SLC20A2: variants seen among roughly 807,000 people sequenced by gnomAD.
SLC20A2 encodes solute carrier family 20 member 2, also known as sodium-dependent phosphate transporter 2.
Under a neutral mutation model 61.0 loss-of-function variants are expected in SLC20A2, and 30 were observed. The ratio of observed to expected loss-of-function variants is 0.49; its 90% CI spans 0.37 to 0.67. The LOEUF (loss-of-function observed/expected upper bound fraction) is 0.67, where lower values mean the gene tolerates loss of function less well. Ranked by LOEUF, SLC20A2 falls within the 30% of genes least tolerant of loss-of-function variation. The probability of loss-of-function intolerance (pLI) is 0.00; values close to 1 mark genes in which losing one functional copy is unlikely to be tolerated. For missense variants in SLC20A2, 626 were observed against 866.4 expected, an observed-to-expected ratio of 0.72 and a Z score of 3.48; for synonymous variants, 351 against 353.3, an observed-to-expected ratio of 0.99 and a Z score of 0.07.
Position 42,430,192 on chromosome 8 carries a change from C to T in SLC20A2, c.1581G>A (p.Thr527=), listed in dbSNP as rs772396213. The T allele has an allele frequency of 3.1e-6, 5 of 1,613,846 alleles. No homozygotes were observed. Among genetic ancestry groups the T allele is most frequent in the Admixed American group, 1.7e-5 (1 of 59,970 alleles). Residue 527 remains threonine (T), a synonymous_variant, in exon 9 of 11, where the codon ACG becomes ACA. Coordinates refer to ENST00000520262, the MANE Select transcript of SLC20A2 (RefSeq NM_001257180.2). ...LWLIYKQGGV[T]QEAATPVWLL... ...GCCAGACGGGTGTAGCTGCTTCTTGCGTTACCCCGCCTTGTTTGTAAATCA... is the reference window on the plus strand; with the variant it reads ...GCCAGACGGGTGTAGCTGCTTCTTGTGTTACCCCGCCTTGTTTGTAAATCA...
rs1308068193 is a variant in SLC20A2, at chr8:42,436,932, C to T, written c.1523+57G>A. The T allele has an allele frequency of 4.7e-6, 7 of 1,483,246 alleles. No homozygotes were observed. The Admixed American group carries it at 1.0e-4, about 21-fold the overall frequency. 91.9% of individuals were successfully genotyped at this position (1,483,246 alleles called of 1,614,324 possible). On this transcript the variant is annotated intron_variant, in intron 8 of 10. Coordinates refer to ENST00000520262, the MANE Select transcript of SLC20A2 (RefSeq NM_001257180.2). ...GCTGGATCCCGGCACCCGCACAGCG[C>T]TGGCCCCTGGCGGAGCCTCAAGGAC...
At chr8:42,526,730 T>G (rs1811982259) in intron 1 of SLC20A2, among the ~76,000 whole-genome samples, 1 of 150,768 alleles carries the variant, frequency 6.6e-6, no homozygotes, top group African/African-American at 2.4e-5. Context: ...AAGTATGAAA[T>G]TTTGGTAATA....
chr8:42,485,515 G>A (rs926262939), intron 1 of SLC20A2, among the ~76,000 whole-genome samples: 7 of 151,354 alleles, frequency 4.6e-5, no homozygotes, highest in Admixed American at 3.3e-4. Flanking sequence ...AGTGGCGGGC[G>A]CCTGTAATCC....
chr8:42,493,552 A>T (rs145705798), intron 1 of SLC20A2, among the ~76,000 whole-genome samples: 1 of 152,306 alleles, frequency 6.6e-6, no homozygotes, highest in African/African-American at 2.4e-5. Flanking sequence ...ATGGATAATC[A>T]TAACACCAGA....
intron 4 of SLC20A2, among the ~76,000 whole-genome samples, chr8:42,462,303 T>G (rs1278633683): frequency 6.6e-6 from 1 of 152,024 alleles, no homozygotes; most frequent in African/African-American, 2.4e-5. Flanking sequence ...AATGGACCCT[T>G]CAACAGATGG....
At chr8:42,445,725 C>T (rs1469452944) in intron 5 of SLC20A2, among the ~76,000 whole-genome samples, 1 of 151,932 alleles carries the variant, frequency 6.6e-6, no homozygotes, top group Non-Finnish European at 1.5e-5. Flanking sequence ...AAAACTCCAT[C>T]TCAAAAAAGA....
intron 8 of SLC20A2, among the ~76,000 whole-genome samples, chr8:42,434,276 G>A (rs1804076425): frequency 6.6e-6 from 1 of 152,190 alleles, no homozygotes; most frequent in African/African-American, 2.4e-5. Flanking sequence ...TAGTAGAGGT[G>A]GGGTTTCACC....
chr8:42,422,492 G>A (rs999240073), intron 10 of SLC20A2, among the ~76,000 whole-genome samples: 16 of 152,150 alleles, frequency 1.1e-4, no homozygotes, highest in African/African-American at 3.6e-4. Context: ...TAGCACAAAT[G>A]GGAGAGGTTT....
chr8:42,477,893 C>CTTTCTTTTTTT lies in SLC20A2; in HGVS notation c.-264-5240_-264-5239insAAAAAAAGAAA, dbSNP rs1554563244. 4.4e-3 allele frequency among the ~76,000 whole-genome samples: 642 copies of CTTTCTTTTTTT among 145,714 alleles called. 6 individuals carry two copies. The highest frequency in any genetic ancestry group is 0.016 in the African/African-American group (620 of 39,828). On this transcript the variant is annotated intron_variant, in intron 1 of 10. Coordinates refer to ENST00000520262, the MANE Select transcript of SLC20A2 (RefSeq NM_001257180.2). ...CACTTTGGAAAACTATTGGCAATTT[C>CTTTCTTTTTTT]TTTTTTTTTTTGAGACGGAGCCTCA...
rs938282719 is a variant in SLC20A2 at position 42,522,613 on chromosome 8, G to A, written c.-265+19208C>T. Among the ~76,000 whole-genome samples, 10 of 120,308 alleles carry A rather than the reference G, an allele frequency of 8.3e-5. 2 individuals carry two copies. In the South Asian group the frequency reaches 9.0e-4, roughly 11 times the overall value. 78.9% of individuals were successfully genotyped at this position (120,308 alleles called of 152,430 possible). ...GGAGAATCACTTGAACCCGGGAGGC[G>A]GAGGTTGCAGTGAGCTGAGATCGTG... On this transcript the variant is annotated intron_variant, in intron 1 of 10. Transcript: ENST00000342228.
chr8:42,516,420 T>C (rs889786590), intron 1 of SLC20A2, among the ~76,000 whole-genome samples: 1 of 152,236 alleles, frequency 6.6e-6, no homozygotes, highest in Non-Finnish European at 1.5e-5. Flanking sequence ...TCCTGTTTTA[T>C]AACCTCTGGA....
chr8:42,444,768 A>C lies in SLC20A2; in HGVS notation c.614-6T>G. 6.2e-7 allele frequency: 1 copy of C among 1,609,238 alleles called. No individual in the cohort carries two copies. The highest frequency in any genetic ancestry group is 1.3e-5 in the African/African-American group (1 of 74,954). On this transcript the variant is annotated splice_region_variant and splice_polypyrimidine_tract_variant and intron_variant, in intron 5 of 10. Coordinates refer to ENST00000520262, the MANE Select transcript of SLC20A2 (RefSeq NM_001257180.2). ...GGGGAGAACAAGGCCGAGCACTGGGAAGGAAAATGAGAAGCAGTGTCATTA... is the reference window on the plus strand; with the variant it reads ...GGGGAGAACAAGGCCGAGCACTGGGCAGGAAAATGAGAAGCAGTGTCATTA...
intron 1 of SLC20A2, among the ~76,000 whole-genome samples, chr8:42,475,690 C>T (rs1808027360): frequency 6.6e-6 from 1 of 151,948 alleles, no homozygotes; most frequent in African/African-American, 2.4e-5. Context: ...GGATTACAGG[C>T]GTGAGCCACC....
intron 1 of SLC20A2, among the ~76,000 whole-genome samples, chr8:42,476,386 AGCCACCGTGCCCG>A (rs1330614943): frequency 2.6e-5 from 4 of 151,982 alleles, no homozygotes; most frequent in African/African-American, 9.7e-5. Flanking sequence ...TACAGGCTTG[AGCCACCGTGCCCG>A]GCCGGTTTAC....
rs551725760 is a variant in SLC20A2 at position 42,538,616 on chromosome 8, G to A, written c.-265+3205C>T. Among the ~76,000 whole-genome samples, 128 of 152,336 alleles carry A rather than the reference G, an allele frequency of 8.4e-4. 1 individual carries two copies. The highest frequency in any genetic ancestry group is 2.9e-3 in the African/African-American group (122 of 41,586). Reference sequence around the variant, plus strand: ...TAGCACTCTCAGTTTGCCAGGTTCTGTTCTAGGCCCCAGAAAAAAGACAAT... The same window carrying A: ...TAGCACTCTCAGTTTGCCAGGTTCTATTCTAGGCCCCAGAAAAAAGACAAT... On this transcript the variant is annotated intron_variant, in intron 1 of 10. Transcript: ENST00000342228.
chr8:42,478,372 C>T (rs898985404), intron 1 of SLC20A2, among the ~76,000 whole-genome samples: 16 of 151,806 alleles, frequency 1.1e-4, no homozygotes, highest in African/African-American at 2.9e-4. Flanking sequence ...CTTCCTCCTC[C>T]GGCTAATTTT....
At chr8:42,447,935 G>C (rs1429184344) in intron 5 of SLC20A2, among the ~76,000 whole-genome samples, 1 of 152,152 alleles carries the variant, frequency 6.6e-6, no homozygotes, top group Admixed American at 6.5e-5. Flanking sequence ...TCCAACTCAG[G>C]CTCTGCCCCT....
chr8:42,454,621 A>ATTTT (rs34104662), intron 5 of SLC20A2, among the ~76,000 whole-genome samples: 2 of 144,574 alleles, frequency 1.4e-5, no homozygotes, highest in Admixed American at 1.4e-4. Context: ...CCTTACACAG[A>ATTTT]TTTTTTTTTT....
intron 5 of SLC20A2, among the ~76,000 whole-genome samples, chr8:42,456,006 T>C (rs1191669227): frequency 6.6e-6 from 1 of 152,176 alleles, no homozygotes; most frequent in East Asian, 1.9e-4. Flanking sequence ...GAAGTATTTA[T>C]ATTAGTATTT....
Sources: gnomAD v4.1 joint callset for allele counts (sites outside exome capture counted in the v4.1 genomes callset) on GRCh38, gnomAD v4.1.1 for gene constraint, MANE v1.5 for transcripts, NCBI Gene and HGNC (gene_info 2026-07-23, HGNC 2026-07-21) for gene names.